The following SGPP2 variants were observed in gnomAD, a reference collection of about 807,000 sequenced individuals.
SGPP2 encodes the protein sphingosine-1-phosphate phosphatase 2.
In SGPP2, 30 loss-of-function variants were observed where a neutral mutation model predicts 33.9. The observed-to-expected ratio is 0.89, with a 90% CI of 0.66 to 1.20. The LOEUF (loss-of-function observed/expected upper bound fraction) is 1.20. Among genes scored for constraint, SGPP2 ranks in the 50% most tolerant of loss-of-function variants. The pLI is 0.00. For missense variants in SGPP2, 458 were observed against 532.1 expected, an observed-to-expected ratio of 0.86 and a Z score of 1.37; for synonymous variants, 233 against 225.0, an observed-to-expected ratio of 1.04 and a Z score of -0.32.
Position 222,475,134 on chromosome 2 carries a change from G to C in SGPP2, c.378+408G>C, listed in dbSNP as rs552986856. On this transcript the variant is annotated intron_variant, in intron 2 of 4. Transcript: ENST00000321276. The stretch of plus-strand genomic sequence containing the variant: ...TTAAACTAAACTAAAAGCCAAGGTG[G>C]GCGGATCACCTGAGGTCAGGTGCCT... Among the ~76,000 whole-genome samples, 9 of 152,092 alleles carry C rather than the reference G, an allele frequency of 5.9e-5. 2 individuals are homozygous for C. The highest frequency in any genetic ancestry group is 2.2e-4 in the African/African-American group (9 of 41,502).
chr2:222,522,000 C>A lies in SGPP2; in HGVS notation c.558+54C>A, dbSNP rs191927229. ...CACCTACTGAGGCAGCAAATAGAGG[C>A]TGCACTTCTGAATTTTCTCTTAAAG... On this transcript the variant is annotated intron_variant, in intron 3 of 4. Coordinates refer to ENST00000321276, the MANE Select transcript of SGPP2 (RefSeq NM_152386.4). The A allele has an allele frequency of 1.0e-5, 15 of 1,435,598 alleles. No individual in the cohort carries two copies. The Admixed American group carries it at 2.8e-4, about 26-fold the overall frequency. The allele number at this position is 1,435,598 out of a possible 1,614,324, so 88.9% of individuals were successfully genotyped here. A position where few individuals can be genotyped will look rare whatever the true frequency, so the allele number is the denominator to read the frequency against.
chr2:222,536,578 G>T (rs1698918658), intron 4 of SGPP2, among the ~76,000 whole-genome samples: 1 of 152,172 alleles, frequency 6.6e-6, no homozygotes, highest in Admixed American at 6.5e-5. Flanking sequence ...TACTCGGGAG[G>T]ATGAGGCATG....
intron 4 of SGPP2, among the ~76,000 whole-genome samples, chr2:222,525,734 G>T (rs965466250): frequency 6.6e-5 from 10 of 152,144 alleles, no homozygotes; most frequent in Admixed American, 4.6e-4. Flanking sequence ...GTACAAGAAA[G>T]ATTTCTTTAA....
chr2:222,515,248 G>T (rs1698586460), intron 2 of SGPP2, among the ~76,000 whole-genome samples: 1 of 152,138 alleles, frequency 6.6e-6, no homozygotes, highest in African/African-American at 2.4e-5. Context: ...GTAGGCTAAA[G>T]ATCCATTCTA....
In SGPP2 at chr2:222,550,880, A is replaced by G. The variant is rs1689281887; in HGVS notation, c.649-7467A>G. ...CAAACAGGAATCATCCCTGTATGTA[A>G]ACTTCATGAGCAGCCTTATTATCGT... On this transcript the variant is annotated intron_variant, in intron 4 of 4. Coordinates refer to ENST00000321276, the MANE Select transcript of SGPP2 (RefSeq NM_152386.4). The surrounding 1 kb of genome is among the most constrained non-coding windows in gnomAD (Gnocchi z 4.5). 6.6e-6 allele frequency among the ~76,000 whole-genome samples: 1 copy of G among 151,210 alleles called. No homozygotes were observed. Among genetic ancestry groups the G allele is most frequent in the Non-Finnish European group, 1.5e-5 (1 of 68,008 alleles).
Position 222,514,626 on chromosome 2 carries a change from A to T in SGPP2, c.379-7141A>T, listed in dbSNP as rs1223567693. ...AGAAAATATTTAGTGTTTACTTGTA[A>T]AAGAGAGTTAGGCTCTCAACTCAGA... On this transcript the variant is annotated intron_variant, in intron 2 of 4. Transcript: ENST00000321276. Among the ~76,000 whole-genome samples the T allele has an allele frequency of 1.3e-4, 7 of 55,330 alleles. No individual in the cohort carries two copies. In the East Asian group the frequency reaches 0.028, roughly 220 times the overall value. The allele number at this position is 55,330 out of a possible 152,430, so 36.3% of individuals were successfully genotyped here.
At chr2:222,500,955 C>T (rs1256449108) in intron 2 of SGPP2, among the ~76,000 whole-genome samples, 1 of 152,194 alleles carries the variant, frequency 6.6e-6, no homozygotes, top group African/African-American at 2.4e-5. Flanking sequence ...AGACAAAGAA[C>T]TCAGACCTGA....
chr2:222,558,739 G>C lies in SGPP2; in HGVS notation c.1041G>C (p.Leu347=), dbSNP rs747426240. 12 of 1,614,036 alleles carry C rather than the reference G, an allele frequency of 7.4e-6. No individual in the cohort carries two copies. Among genetic ancestry groups the C allele is most frequent in the Non-Finnish European group, 1.0e-5 (12 of 1,180,024 alleles). The change falls in exon 5 of 5, where the codon CTG becomes CTC. Residue 347 remains leucine, a synonymous_variant. Transcript: ENST00000321276. ...GTCAGCTTGTACAAAATCTCTCACT[G>C]CAAGTATTATACTCATGGTTCAAGG... ...LVRQLVQNLS[L]QVLYSWFKVV... is the part of the protein sequence containing the mutation.
At chr2:222,479,563 C>T (rs915746624) in intron 2 of SGPP2, among the ~76,000 whole-genome samples, 6 of 151,758 alleles carry the variant, frequency 4.0e-5, no homozygotes, top group South Asian at 2.1e-4. Context: ...CCCCCACGCC[C>T]GGCTAATTTT....
intron 1 of SGPP2, among the ~76,000 whole-genome samples, chr2:222,437,989 G>T (rs1237966854): frequency 2.0e-5 from 3 of 152,190 alleles, no homozygotes; most frequent in African/African-American, 7.2e-5. Context: ...AGAGCAGCTT[G>T]CACAGCAGCC....
intron 2 of SGPP2, among the ~76,000 whole-genome samples, chr2:222,505,174 A>G (rs975640890): frequency 2.0e-5 from 3 of 152,238 alleles, no homozygotes; most frequent in Non-Finnish European, 4.4e-5. Context: ...CCACACATGC[A>G]TGCATTCTCT....
intron 2 of SGPP2, among the ~76,000 whole-genome samples, chr2:222,494,234 GATTT>G: frequency 6.6e-6 from 1 of 152,148 alleles, no homozygotes; most frequent in Non-Finnish European, 1.5e-5. Flanking sequence ...AGCCAATTAA[GATTT>G]TCAAAGGATC....
chr2:222,426,232 AAAG>A (rs1371662240), intron 1 of SGPP2, among the ~76,000 whole-genome samples: 6 of 151,232 alleles, frequency 4.0e-5, no homozygotes, highest in African/African-American at 4.8e-5. Flanking sequence ...AAAAAAAAAA[AAAG>A]ACCAAAACAA....
At chr2:222,479,440 T>A (rs1411375847) in intron 2 of SGPP2, among the ~76,000 whole-genome samples, 2 of 145,974 alleles carry the variant, frequency 1.4e-5, no homozygotes, top group East Asian at 4.0e-4. Flanking sequence ...TATCGCTCTG[T>A]CACCCAAGCT....
chr2:222,472,869 C>T (rs1024437540), intron 1 of SGPP2, among the ~76,000 whole-genome samples: 2 of 152,122 alleles, frequency 1.3e-5, no homozygotes, highest in Non-Finnish European at 2.9e-5. Context: ...CAAAAATAAG[C>T]CAGGCATGGT....
intron 2 of SGPP2, among the ~76,000 whole-genome samples, chr2:222,516,783 C>G (rs933824187): frequency 1.3e-5 from 2 of 152,042 alleles, no homozygotes; most frequent in Non-Finnish European, 2.9e-5. Context: ...GCAGTAGGTC[C>G]CCAATAAATA....
At chr2:222,446,292 G>A (rs577784018) in intron 1 of SGPP2, among the ~76,000 whole-genome samples, 432 of 150,748 alleles carry the variant, frequency 2.9e-3, no homozygotes, top group Middle Eastern at 0.01. Context: ...TGGCAGGAGA[G>A]TGGAGAGACA....
chr2:222,429,548 C>G (rs1420317472), intron 1 of SGPP2, among the ~76,000 whole-genome samples: 1 of 152,130 alleles, frequency 6.6e-6, no homozygotes, highest in South Asian at 2.1e-4. Flanking sequence ...AATTCATGCC[C>G]GTTATATCAC....
chr2:222,469,253 G>A (rs549593450), intron 1 of SGPP2, among the ~76,000 whole-genome samples: 19 of 152,052 alleles, frequency 1.2e-4, no homozygotes, highest in Non-Finnish European at 2.5e-4. Context: ...GCGTGATCTC[G>A]GCTCACCGCA....
Sources: gnomAD v4.1 joint callset for allele counts (sites outside exome capture counted in the v4.1 genomes callset) on GRCh38, gnomAD v4.1.1 for gene constraint, Gnocchi (gnomAD v3.1) non-coding constraint, MANE v1.5 for transcripts, NCBI Gene and HGNC (gene_info 2026-07-23, HGNC 2026-07-21) for gene names.